Variants in ADAM12 observed in about 807,000 individuals in gnomAD.
The protein encoded by ADAM12 is ADAM metallopeptidase domain 12.
A neutral mutation model predicts 106.4 loss-of-function variants in ADAM12; 70 were observed. The observed-to-expected ratio is 0.66, with a 90% CI of 0.54 to 0.80. The LOEUF (loss-of-function observed/expected upper bound fraction) is 0.80, where lower values mean the gene tolerates loss of function less well. Among genes scored for constraint, ADAM12 ranks in the 30% least tolerant of loss-of-function variants. ADAM12 has a pLI of 0.00. For synonymous variants in ADAM12, 420 were observed against 433.5 expected (o/e 0.97, Z 0.39); for missense variants, 1,010 against 1,171.9 (o/e 0.86, Z 2.02).
At position 126,120,008 on chromosome 10, in the gene ADAM12, T is replaced by C. The variant is rs1053322871; in HGVS notation, c.417-1784A>G. Among the ~76,000 whole-genome samples the C allele has an allele frequency of 3.3e-5, 5 of 152,214 alleles. No individual in the cohort carries two copies. In the East Asian group the frequency reaches 9.6e-4, roughly 29 times the overall value. ...CTGAATTCCCATGTGTCTAGTACCTTATGTTATTTAGCGAGGTGACCACTA... is the reference window on the plus strand; with the variant it reads ...CTGAATTCCCATGTGTCTAGTACCTCATGTTATTTAGCGAGGTGACCACTA... On this transcript the variant is annotated intron_variant, in intron 5 of 22. Coordinates refer to ENST00000448723, the MANE Select transcript of ADAM12 (RefSeq NM_001288973.2).
chr10:126,079,675 A>T (rs140888706), intron 11 of ADAM12, among the ~76,000 whole-genome samples: 2 of 152,350 alleles, frequency 1.3e-5, no homozygotes, highest in African/African-American at 4.8e-5. Flanking sequence ...GTGTCGTGAC[A>T]ATAAAAAATG....
At chr10:126,221,234 A>G (rs1393229358) in intron 3 of ADAM12, among the ~76,000 whole-genome samples, 3 of 152,054 alleles carry the variant, frequency 2.0e-5, no homozygotes, top group African/African-American at 7.3e-5. Flanking sequence ...AAATACAAAA[A>G]TTAGTCAGGT....
At chr10:126,098,799 A>G (rs1180192556) in intron 9 of ADAM12, among the ~76,000 whole-genome samples, 2 of 152,332 alleles carry the variant, frequency 1.3e-5, no homozygotes, top group Non-Finnish European at 2.9e-5. Flanking sequence ...AAGCTGCTCC[A>G]TTTAAACAAT....
At chr10:126,304,976 T>C (rs1960784019) in intron 2 of ADAM12, among the ~76,000 whole-genome samples, 8 of 151,994 alleles carry the variant, frequency 5.3e-5, no homozygotes, top group Admixed American at 5.2e-4. Context: ...CACCGACATA[T>C]AATGTATACC....
At chr10:126,259,446 G>T (rs917078767) in intron 3 of ADAM12, among the ~76,000 whole-genome samples, 1 of 152,138 alleles carries the variant, frequency 6.6e-6, no homozygotes, top group Non-Finnish European at 1.5e-5. Context: ...TGCAAAGTTT[G>T]TTTACTGAAA....
chr10:126,035,511 C>T (rs1000810340), intron 21 of ADAM12, among the ~76,000 whole-genome samples: 2 of 152,064 alleles, frequency 1.3e-5, no homozygotes, highest in Non-Finnish European at 2.9e-5. Context: ...TTAAAATACA[C>T]AATTATAAAC....
At chr10:126,260,575 GA>G (rs1428091532) in intron 3 of ADAM12, among the ~76,000 whole-genome samples, 1 of 152,082 alleles carries the variant, frequency 6.6e-6, no homozygotes, top group African/African-American at 2.4e-5. Context: ...TGAACATACA[GA>G]GGTTGAAACT....
intron 3 of ADAM12, among the ~76,000 whole-genome samples, chr10:126,277,769 T>G (rs2133751331): frequency 6.6e-6 from 1 of 152,182 alleles, no homozygotes; most frequent in South Asian, 2.1e-4. Context: ...TATTTAATGG[T>G]GAGCAGTAAG....
chr10:126,187,595 T>A (rs933130363), intron 3 of ADAM12, among the ~76,000 whole-genome samples: 6 of 152,160 alleles, frequency 3.9e-5, no homozygotes, highest in Admixed American at 1.3e-4. Flanking sequence ...TGGGGCTACA[T>A]TGCTCCTGCC....
At chr10:126,264,607 T>C (rs1959062327) in intron 3 of ADAM12, among the ~76,000 whole-genome samples, 1 of 152,244 alleles carries the variant, frequency 6.6e-6, no homozygotes, top group Non-Finnish European at 1.5e-5. Flanking sequence ...TTTGTTTTTC[T>C]CGCGGGTCCC....
intron 2 of ADAM12, among the ~76,000 whole-genome samples, chr10:126,291,655 TG>T (rs1165372699): frequency 6.6e-6 from 1 of 152,046 alleles, no homozygotes; most frequent in African/African-American, 2.4e-5. Flanking sequence ...ACGGGAGGAA[TG>T]GGACAGAGGT....
intron 1 of ADAM12, among the ~76,000 whole-genome samples, chr10:126,384,495 G>A (rs1463217184): frequency 6.6e-6 from 1 of 152,090 alleles, no homozygotes; most frequent in Non-Finnish European, 1.5e-5. Context: ...GGTAATAAGG[G>A]TAGTCCTGAG....
chr10:126,222,691 G>T (rs1008164762), intron 3 of ADAM12, among the ~76,000 whole-genome samples: 3 of 151,972 alleles, frequency 2.0e-5, no homozygotes, highest in Admixed American at 2.0e-4. Flanking sequence ...TTTTCTAACC[G>T]TAAAGAAGAC....
intron 3 of ADAM12, among the ~76,000 whole-genome samples, chr10:126,218,728 G>T (rs1958034849): frequency 1.3e-5 from 2 of 152,260 alleles, no homozygotes; most frequent in South Asian, 4.1e-4. Flanking sequence ...CCAATGTCTG[G>T]ACACAAAAGT....
intron 3 of ADAM12, among the ~76,000 whole-genome samples, chr10:126,275,513 A>C (rs996518833): frequency 1.3e-5 from 2 of 152,252 alleles, no homozygotes; most frequent in South Asian, 2.1e-4. Context: ...GGTTCACCAC[A>C]GAAGCATTTT....
intron 21 of ADAM12, among the ~76,000 whole-genome samples, chr10:126,023,326 C>T (rs1953806108): frequency 6.6e-6 from 1 of 151,972 alleles, no homozygotes. Context: ...TGTTGTTGTG[C>T]CCTACCCCTT....
At chr10:126,313,011 G>A (rs974426586) in intron 2 of ADAM12, among the ~76,000 whole-genome samples, 7 of 152,172 alleles carry the variant, frequency 4.6e-5, no homozygotes, top group East Asian at 1.9e-4. Context: ...AACATCACAC[G>A]TTGCTACTTT....
intron 1 of ADAM12, among the ~76,000 whole-genome samples, chr10:126,379,716 G>T (rs1447310796): frequency 2.0e-5 from 3 of 150,714 alleles, no homozygotes; most frequent in African/African-American, 7.3e-5. Context: ...CATATATCTA[G>T]GCAATCCTTC....
At chr10:126,145,286 C>T (rs550792815) in intron 4 of ADAM12, among the ~76,000 whole-genome samples, 12 of 152,094 alleles carry the variant, frequency 7.9e-5, no homozygotes, top group Non-Finnish European at 1.6e-4. Flanking sequence ...TCCTCATATT[C>T]CAGGACTTTG....
Sources: allele counts gnomAD v4.1 joint callset (sites outside exome capture counted in the v4.1 genomes callset), GRCh38; gene constraint gnomAD v4.1.1; transcripts MANE v1.5; gene names NCBI Gene and HGNC (gene_info 2026-07-23, HGNC 2026-07-21).